Variants in FUBP3 observed in about 807,000 individuals in gnomAD.
FUBP3 encodes far upstream element binding protein 3.
A neutral mutation model predicts 85.6 loss-of-function variants in FUBP3; 28 were observed. The ratio of observed to expected loss-of-function variants is 0.33; its 90% CI spans 0.24 to 0.45. FUBP3 has a LOEUF of 0.45. Among genes scored for constraint, FUBP3 ranks in the 20% least tolerant of loss-of-function variants. The pLI is 1.00. For synonymous variants in FUBP3, 271 were observed against 271.4 expected, an observed-to-expected ratio of 1.00 and a Z score of 0.01; for missense variants, 583 against 755.1, an observed-to-expected ratio of 0.77 and a Z score of 2.67.
chr9:130,630,070 G>A (rs573618072), intron 12 of FUBP3, among the ~76,000 whole-genome samples: 1 of 152,146 alleles, frequency 6.6e-6, no homozygotes, highest in Non-Finnish European at 1.5e-5. Flanking sequence ...TCACCCCATG[G>A]AGGAGGCAGG....
At chr9:130,631,690 T>A in intron 14 of FUBP3, 60 bp downstream of exon 14, 2 of 1,364,538 alleles carry the variant, frequency 1.5e-6, no homozygotes, top group Non-Finnish European at 2.1e-6. Context: ...AGATCCCCTG[T>A]CGTTTCCAGC....
At chr9:130,588,214 A>C (rs1018423572) in intron 1 of FUBP3, among the ~76,000 whole-genome samples, 1 of 152,214 alleles carries the variant, frequency 6.6e-6, no homozygotes, top group Non-Finnish European at 1.5e-5. Flanking sequence ...TATGAGTTCA[A>C]GTTCTGGTTC....
At chr9:130,627,004 C>T (rs954812281) in intron 12 of FUBP3, among the ~76,000 whole-genome samples, 1 of 152,218 alleles carries the variant, frequency 6.6e-6, no homozygotes, top group East Asian at 1.9e-4. Flanking sequence ...CCGTGAGTCA[C>T]GGACTCTCTG....
chr9:130,628,588 G>A (rs1026636131), intron 12 of FUBP3, among the ~76,000 whole-genome samples: 4 of 152,140 alleles, frequency 2.6e-5, no homozygotes, highest in Non-Finnish European at 5.9e-5. Flanking sequence ...GGGATGAGGG[G>A]CCCAGTGGGG....
At position 130,620,357 on chromosome 9, in the gene FUBP3, G is replaced by A; in HGVS notation, c.670G>A (p.Ala224Thr). Reference sequence around the variant, plus strand: ...CTTTTTGTTTGTGTTTATGCAGCAAGCAAGAGAAATGGTACTAGAGATTAT... The same window carrying A: ...CTTTTTGTTTGTGTTTATGCAGCAAACAAGAGAAATGGTACTAGAGATTAT... ...ITGDAFKVQQ[A>T]REMVLEIIRE... The change falls in exon 9 of 19, where the codon GCA becomes ACA. Residue 224 changes from alanine (A) to threonine (T), a missense_variant. Physicochemically the swap from Ala to Thr is moderately conservative, Grantham distance 58. Coordinates refer to ENST00000319725, the MANE Select transcript of FUBP3 (RefSeq NM_003934.2). The A allele has an allele frequency of 1.3e-6, 2 of 1,561,832 alleles. No individual in the cohort carries two copies. The highest frequency in any genetic ancestry group is 1.7e-6 in the Non-Finnish European group (2 of 1,147,086).
At chr9:130,614,718 G>GT (rs1831914327) in intron 6 of FUBP3, among the ~76,000 whole-genome samples, 1 of 152,160 alleles carries the variant, frequency 6.6e-6, no homozygotes, top group South Asian at 2.1e-4. Context: ...GAGAATCCTG[G>GT]TACCAGGACT....
chr9:130,587,063 T>TTTG (rs1588112819), intron 1 of FUBP3, among the ~76,000 whole-genome samples: 20 of 116,652 alleles, frequency 1.7e-4, no homozygotes, highest in East Asian at 6.0e-4. Context: ...TTGTTTTTTT[T>TTTG]TTTTGTTTGT....
In FUBP3 at chr9:130,636,109, G is replaced by A. The variant is rs541871053; in HGVS notation, c.1693G>A (p.Ala565Thr). 3 of 1,613,492 alleles carry A rather than the reference G, an allele frequency of 1.9e-6. No homozygotes were observed. The highest frequency in any genetic ancestry group is 1.7e-5 in the Admixed American group (1 of 60,030). ...VAFYGQTLGQ[A>T]QAHSQEQ ...TTTCTACGGACAGACGTTAGGGCAGGCGCAGGCCCACAGCCAGGTCTGTAG... is the reference window on the plus strand; with the variant it reads ...TTTCTACGGACAGACGTTAGGGCAGACGCAGGCCCACAGCCAGGTCTGTAG... The change falls in exon 18 of 19, where the codon GCG becomes ACG. Residue 565 changes from alanine (A) to threonine (T), a missense_variant. Transcript: ENST00000319725.
At chr9:130,621,537 A>T (rs1440518397) in intron 9 of FUBP3, among the ~76,000 whole-genome samples, 1 of 152,200 alleles carries the variant, frequency 6.6e-6, no homozygotes, top group African/African-American at 2.4e-5. Flanking sequence ...ACTATTTTTC[A>T]TCTTTTATCT....
intron 13 of FUBP3, 89 bp from the exon 14 acceptor site, chr9:130,631,468 A>G (rs956112851): frequency 1.5e-5 from 20 of 1,376,774 alleles, no homozygotes; most frequent in Non-Finnish European, 2.0e-5. Context: ...CATCTCCCCA[A>G]AAGCTGGGCT....
intron 10 of FUBP3, among the ~76,000 whole-genome samples, chr9:130,623,180 C>T (rs1049745768): frequency 6.6e-6 from 1 of 152,146 alleles, no homozygotes; most frequent in East Asian, 1.9e-4. Flanking sequence ...AAACCACACA[C>T]AAAGACAAAA....
chr9:130,610,436 C>T (rs1441654619), intron 3 of FUBP3, among the ~76,000 whole-genome samples: 1 of 152,140 alleles, frequency 6.6e-6, no homozygotes, highest in Non-Finnish European at 1.5e-5. Context: ...GGTGAGGAGG[C>T]CAGAAGCCAG....
chr9:130,592,102 C>T (rs993187577), intron 1 of FUBP3, among the ~76,000 whole-genome samples: 1 of 152,142 alleles, frequency 6.6e-6, no homozygotes, highest in Non-Finnish European at 1.5e-5. Context: ...CATGGTGGCA[C>T]ATACCTGGAA....
chr9:130,616,631 C>A lies in FUBP3; in HGVS notation c.567+114C>A. 1.0e-6 allele frequency: 1 copy of A among 981,516 alleles called. No individual in the cohort carries two copies. Among genetic ancestry groups the A allele is most frequent in the Non-Finnish European group, 1.5e-6 (1 of 647,210 alleles). 60.8% of individuals were successfully genotyped at this position (981,516 alleles called of 1,614,324 possible). A position where few individuals can be genotyped will look rare whatever the true frequency, so the allele number is the denominator to read the frequency against. ...CCCTGGCTGGGCTGGCTTTGTGCAG[C>A]ATTGTGCTGAGGCTTCCTTCCTCCA... On this transcript the variant is annotated intron_variant, in intron 7 of 18. Coordinates refer to ENST00000319725, the MANE Select transcript of FUBP3 (RefSeq NM_003934.2). This position sits in a 1 kb window ranked among gnomAD's most constrained non-coding sequence, Gnocchi z 4.7.
chr9:130,636,268 T>G (rs1437897341), intron 18 of FUBP3, 142 bp downstream of exon 18: 2 of 852,350 alleles, frequency 2.3e-6, no homozygotes, highest in Non-Finnish European at 3.8e-6. Context: ...CGAGGCTGCT[T>G]CTGCTGAGAG....
At chr9:130,593,700 G>C (rs1830733141) in intron 1 of FUBP3, among the ~76,000 whole-genome samples, 1 of 152,186 alleles carries the variant, frequency 6.6e-6, no homozygotes, top group African/African-American at 2.4e-5. Flanking sequence ...GACTAGCTCA[G>C]AACTACCACT....
chr9:130,604,010 G>C (rs1414556040), intron 2 of FUBP3, among the ~76,000 whole-genome samples: 2 of 152,158 alleles, frequency 1.3e-5, no homozygotes, highest in Non-Finnish European at 2.9e-5. Context: ...CTGATGAATG[G>C]TTCTGCTTGC....
chr9:130,600,868 C>G (rs1831122788), intron 2 of FUBP3, among the ~76,000 whole-genome samples: 1 of 151,104 alleles, frequency 6.6e-6, no homozygotes, highest in South Asian at 2.1e-4. Context: ...CCCAGCTACT[C>G]AGGAGGCTGA....
At chr9:130,588,531 T>A (rs193163743) in intron 1 of FUBP3, among the ~76,000 whole-genome samples, 2 of 152,272 alleles carry the variant, frequency 1.3e-5, no homozygotes, top group African/African-American at 4.8e-5. Flanking sequence ...CAATAAGAGG[T>A]TAAAATAGCA....
Sources: allele counts gnomAD v4.1 joint callset (sites outside exome capture counted in the v4.1 genomes callset), GRCh38; gene constraint gnomAD v4.1.1; non-coding constraint Gnocchi (gnomAD v3.1); transcripts MANE v1.5; gene names NCBI Gene and HGNC (gene_info 2026-07-23, HGNC 2026-07-21).